Variants in ANKAR observed in about 807,000 individuals in gnomAD.
The protein encoded by ANKAR is ankyrin and armadillo repeat containing.
A neutral mutation model predicts 146.2 loss-of-function variants in ANKAR; 136 were observed. That is an observed-to-expected ratio of 0.93 (90% CI 0.81 to 1.07). ANKAR has a LOEUF of 1.07. ANKAR is among the 50% of genes least tolerant of loss of function. ANKAR has a pLI of 0.00. For synonymous variants in ANKAR, 500 were observed against 575.8 expected, an observed-to-expected ratio of 0.87 and a Z score of 1.88; for missense variants, 1,567 against 1,679.9, an observed-to-expected ratio of 0.93 and a Z score of 1.18.
intron 9 of ANKAR, among the ~76,000 whole-genome samples, chr2:189,709,733 A>G (rs1331837444): frequency 6.6e-6 from 1 of 152,236 alleles, no homozygotes; most frequent in Admixed American, 6.5e-5. Flanking sequence ...ATGAGCCCCA[A>G]GAGATATTGG....
chr2:189,742,845 CACACACATTAGAATTACCTG>C lies in ANKAR; in HGVS notation c.3811-422_3811-403del, dbSNP rs1203976637. Among the ~76,000 whole-genome samples the C allele has an allele frequency of 5.8e-5, 2 of 34,776 alleles. 1 individual carries two copies. Among genetic ancestry groups the C allele is most frequent in the African/African-American group, 8.7e-5 (2 of 23,016 alleles). The allele number at this position is 34,776 out of a possible 152,430, so 22.8% of individuals were successfully genotyped here. On this transcript the variant is annotated intron_variant, in intron 20 of 22. Transcript: ENST00000684021. ...ATTAGAATTACCTGACACACACACA[CACACACATTAGAATTACCTG>C]ACACACACACACACACACACACACA...
intron 17 of ANKAR, among the ~76,000 whole-genome samples, chr2:189,736,188 A>G (rs913449603): frequency 2.0e-5 from 3 of 152,206 alleles, no homozygotes; most frequent in Admixed American, 2.0e-4. Context: ...ATTCATTTTG[A>G]AACATTAATA....
At chr2:189,723,876 C>A (rs2041582461) in intron 12 of ANKAR, among the ~76,000 whole-genome samples, 1 of 152,164 alleles carries the variant, frequency 6.6e-6, no homozygotes, top group African/African-American at 2.4e-5. Flanking sequence ...TTTAGAGCTA[C>A]TTTGGATTAC....
chr2:189,729,716 G>GTGTGTGT (rs1553529034), intron 15 of ANKAR, among the ~76,000 whole-genome samples: 3 of 69,472 alleles, frequency 4.3e-5, no homozygotes, highest in Non-Finnish European at 8.1e-5. Flanking sequence ...GTGTGTGTGT[G>GTGTGTGT]GTGCGGGTGG....
At chr2:189,750,649 G>A, downstream of ANKAR, 1 of 1,580,688 alleles carries the variant, frequency 6.3e-7, no homozygotes, top group Non-Finnish European at 8.6e-7. Flanking sequence ...TCTACTCCAA[G>A]AGGACATCTA....
downstream of ANKAR, chr2:189,750,792 TA>T (rs1367176088): frequency 3.5e-6 from 2 of 565,176 alleles, no homozygotes; most frequent in Non-Finnish European, 5.9e-6. Context: ...GATTCTTAAA[TA>T]CTTACAAATA....
chr2:189,678,756 C>G (rs115244607), intron 2 of ANKAR, among the ~76,000 whole-genome samples: 2,844 of 152,170 alleles, frequency 0.019, 88 homozygotes, highest in African/African-American at 0.064. Flanking sequence ...TTTATTTCCG[C>G]GTTCTCTATT....
chr2:189,695,182 T>TTTAGTCAC (rs2037018108), intron 6 of ANKAR, 21 bp downstream of exon 6: 1 of 1,549,368 alleles, frequency 6.5e-7, no homozygotes. Flanking sequence ...GACTACCACA[T>TTTAGTCAC]AATTTAGTAT....
downstream of ANKAR, among the ~76,000 whole-genome samples, chr2:189,762,355 G>T (rs1016174589): frequency 6.6e-6 from 1 of 152,180 alleles, no homozygotes; most frequent in Admixed American, 6.5e-5. Flanking sequence ...AACTTTCTGG[G>T]TGTTAAAGCA....
At position 189,730,714 on chromosome 2, in the gene ANKAR, CTA is replaced by C. The variant is rs1040275119; in HGVS notation, c.3300+114_3300+115del. On this transcript the variant is annotated intron_variant, in intron 16 of 22. Transcript: ENST00000684021. ...ACATAAAAATATTTAATCTTTTAAA[CTA>C]AATCCTATTTTTCTTGGAGAAATAA... 6 of 468,098 alleles carry C rather than the reference CTA, an allele frequency of 1.3e-5. 1 individual carries two copies. In the Admixed American group the frequency reaches 1.8e-4, roughly 14 times the overall value. 29.0% of individuals were successfully genotyped at this position (468,098 alleles called of 1,614,324 possible).
chr2:189,746,770 G>C, downstream of ANKAR: 3 of 961,466 alleles, frequency 3.1e-6, no homozygotes, highest in Non-Finnish European at 4.4e-6. Flanking sequence ...ATTTTCCTTA[G>C]CATGTCTACA....
At chr2:189,703,906 C>T (rs1053494755) in intron 7 of ANKAR, among the ~76,000 whole-genome samples, 1 of 152,116 alleles carries the variant, frequency 6.6e-6, no homozygotes, top group Admixed American at 6.6e-5. Flanking sequence ...AGAATTCACT[C>T]ACTATCATGA....
intron 18 of ANKAR, among the ~76,000 whole-genome samples, chr2:189,752,086 G>T (rs2045350223): frequency 6.6e-6 from 1 of 151,828 alleles, no homozygotes; most frequent in Admixed American, 6.6e-5. Context: ...AGAGGTTGCA[G>T]TGAGCCGAGA....
At chr2:189,724,873 C>T (rs147689238) in intron 12 of ANKAR, among the ~76,000 whole-genome samples, 311 of 152,042 alleles carry the variant, frequency 2.0e-3, no homozygotes, top group Non-Finnish European at 3.4e-3. Context: ...ATTAAATCTA[C>T]AAGGCTGGGG....
downstream of ANKAR, among the ~76,000 whole-genome samples, chr2:189,748,776 T>A (rs1429947317): frequency 6.6e-6 from 1 of 152,188 alleles, no homozygotes; most frequent in African/African-American, 2.4e-5. Flanking sequence ...AGAGAGCAAC[T>A]TTTGAGCTCT....
At chr2:189,745,752 A>C (rs1365269306) in intron 22 of ANKAR, among the ~76,000 whole-genome samples, 1 of 152,234 alleles carries the variant, frequency 6.6e-6, no homozygotes, top group Non-Finnish European at 1.5e-5. Flanking sequence ...AAGGAAGAGA[A>C]TTTAAAAAGA....
chr2:189,703,269 G>A (rs556872768), intron 7 of ANKAR, among the ~76,000 whole-genome samples: 10 of 152,288 alleles, frequency 6.6e-5, no homozygotes, highest in African/African-American at 2.4e-4. Context: ...GTTGGATAAG[G>A]GCAAAACAAG....
In ANKAR at chr2:189,729,163, T is replaced by C. The variant is rs574114104; in HGVS notation, c.3193+342T>C. 2.6e-5 allele frequency among the ~76,000 whole-genome samples: 4 copies of C among 152,340 alleles called. No individual in the cohort carries two copies. The South Asian group carries it at 6.2e-4, about 24-fold the overall frequency. Reference sequence around the variant, plus strand: ...CAAGAACGATATGTTTTTGAAGATATAGAAGAGTTTCTAATGCTGGAGCAC... The same window carrying C: ...CAAGAACGATATGTTTTTGAAGATACAGAAGAGTTTCTAATGCTGGAGCAC... On this transcript the variant is annotated intron_variant, in intron 15 of 22. Transcript: ENST00000684021.
At chr2:189,685,310 GT>G (rs1052563765) in intron 2 of ANKAR, among the ~76,000 whole-genome samples, 3 of 150,200 alleles carry the variant, frequency 2.0e-5, no homozygotes, top group Admixed American at 1.3e-4. Flanking sequence ...AACAATCGTG[GT>G]TTTTTTTTCC....
Sources: allele counts gnomAD v4.1 joint callset (sites outside exome capture counted in the v4.1 genomes callset), GRCh38; gene constraint gnomAD v4.1.1; transcripts MANE v1.5; gene names NCBI Gene and HGNC (gene_info 2026-07-23, HGNC 2026-07-21).